Variants in LARGE1 observed in about 807,000 individuals in gnomAD.
LARGE1 encodes LARGE xylosyl- and glucuronyltransferase 1.
A neutral mutation model predicts 87.6 loss-of-function variants in LARGE1; 43 were observed. The observed-to-expected ratio is 0.49, with a 90% CI of 0.38 to 0.63. The LOEUF is 0.63. Ranked by LOEUF, LARGE1 falls within the 30% of genes least tolerant of loss-of-function variation. The pLI, the probability that LARGE1 is intolerant of heterozygous loss-of-function variation, is 0.00. For synonymous variants in LARGE1, 434 were observed against 394.6 expected (o/e 1.10, Z -1.18); for missense variants, 802 against 1,000.2 (o/e 0.80, Z 2.67).
intron 2 of LARGE1, among the ~76,000 whole-genome samples, chr22:33,683,493 T>C (rs975052008): frequency 2.0e-5 from 3 of 152,134 alleles, no homozygotes; most frequent in Non-Finnish European, 4.4e-5. Flanking sequence ...GCCAATTCCT[T>C]ACAATAAATC....
intron 6 of LARGE1, among the ~76,000 whole-genome samples, chr22:33,468,732 C>T (rs1441826747): frequency 1.3e-5 from 2 of 151,880 alleles, no homozygotes; most frequent in Admixed American, 1.3e-4. Flanking sequence ...TCCTAGGGCA[C>T]ACAGCTAGAA....
At chr22:33,678,001 A>G (rs1372986633) in intron 2 of LARGE1, among the ~76,000 whole-genome samples, 1 of 152,222 alleles carries the variant, frequency 6.6e-6, no homozygotes, top group Non-Finnish European at 1.5e-5. Context: ...AAGTGAGAAG[A>G]CGATTGGGAT....
At position 33,604,531 on chromosome 22, in the gene LARGE1, A is replaced by G. The variant is rs773687607; in HGVS notation, c.519T>C (p.Ile173=). The G allele has an allele frequency of 1.2e-6, 2 of 1,614,096 alleles. No homozygotes were observed. The highest frequency in any genetic ancestry group is 2.2e-5 in the South Asian group (2 of 91,076). The change falls in exon 5 of 15, where the codon ATT becomes ATC. Residue 173 remains isoleucine (I), a synonymous_variant. Coordinates refer to ENST00000397394, the MANE Select transcript of LARGE1 (RefSeq NM_133642.5). ...GGATCTGCTCCGCAATGGAGTCAGCAATAAGGTGGAAGTGCAGAGGGTTCC... is the reference window on the plus strand; with the variant it reads ...GGATCTGCTCCGCAATGGAGTCAGCGATAAGGTGGAAGTGCAGAGGGTTCC... ...HRRNPLHFHL[I]ADSIAEQILA...
At chr22:33,374,451 TTCTC>T (rs1187792126) in intron 9 of LARGE1, among the ~76,000 whole-genome samples, 4 of 152,216 alleles carry the variant, frequency 2.6e-5, no homozygotes, top group African/African-American at 9.6e-5. Flanking sequence ...CCACGTAAGT[TTCTC>T]TATCGTCTTT....
intron 11 of LARGE1, among the ~76,000 whole-genome samples, chr22:33,182,029 C>T (rs1270974903): frequency 6.6e-6 from 1 of 151,918 alleles, no homozygotes; most frequent in East Asian, 1.9e-4. Context: ...CACAATCTGG[C>T]CAGGCTGGTC....
rs140517766 is a variant in LARGE1, at chr22:33,327,368, T to C, written c.1287+10278A>G. 2.0e-3 allele frequency among the ~76,000 whole-genome samples: 303 copies of C among 152,258 alleles called. 3 individuals are homozygous for C. The highest frequency in any genetic ancestry group is 7.1e-4 in the Non-Finnish European group (48 of 68,014). ...AGGTGAGGCAGTGATCTCCCAGCAGTTGAGAGAGCGGGTATCCAAGACAAG... is the reference window on the plus strand; with the variant it reads ...AGGTGAGGCAGTGATCTCCCAGCAGCTGAGAGAGCGGGTATCCAAGACAAG... On this transcript the variant is annotated intron_variant, in intron 10 of 14. Transcript: ENST00000397394.
chr22:33,722,112 G>T (rs1411165155), intron 2 of LARGE1, among the ~76,000 whole-genome samples: 1 of 152,034 alleles, frequency 6.6e-6, no homozygotes, highest in East Asian at 1.9e-4. Flanking sequence ...AATTAGCCGG[G>T]CGTGGTGGTG....
At chr22:33,434,135 G>A (rs2067180819) in intron 6 of LARGE1, among the ~76,000 whole-genome samples, 1 of 152,210 alleles carries the variant, frequency 6.6e-6, no homozygotes, top group African/African-American at 2.4e-5. Context: ...CTGAAAGGCA[G>A]GGTGCCCTTA....
intron 11 of LARGE1, among the ~76,000 whole-genome samples, chr22:33,219,361 CATGT>C (rs1925354433): frequency 6.6e-6 from 1 of 152,198 alleles, no homozygotes; most frequent in African/African-American, 2.4e-5. Context: ...GCCTGTAAAA[CATGT>C]AGACATGGGA....
chr22:33,490,585 C>T (rs75216197), intron 6 of LARGE1, among the ~76,000 whole-genome samples: 5 of 152,188 alleles, frequency 3.3e-5, no homozygotes, highest in Admixed American at 6.5e-5. Context: ...ACTGCTGCAA[C>T]GCTTCTGATT....
chr22:33,452,836 T>A (rs1331564968), intron 6 of LARGE1, among the ~76,000 whole-genome samples: 1 of 152,194 alleles, frequency 6.6e-6, no homozygotes, highest in Non-Finnish European at 1.5e-5. Context: ...TTATTACAAT[T>A]CTAATTAATG....
At chr22:33,391,532 A>T (rs933234182) in intron 7 of LARGE1, among the ~76,000 whole-genome samples, 1 of 152,136 alleles carries the variant, frequency 6.6e-6, no homozygotes, top group Middle Eastern at 3.2e-3. Flanking sequence ...CAAACCAGAC[A>T]GGCTTCTCTC....
At chr22:33,109,791 G>A in the LARGE1 span, among the ~76,000 whole-genome samples, 1 of 152,086 alleles carries the variant, frequency 6.6e-6, no homozygotes, top group African/African-American at 2.4e-5. Flanking sequence ...TGGAGATCTG[G>A]TTGTTTAAAG....
intron 1 of LARGE1, among the ~76,000 whole-genome samples, chr22:33,777,363 C>A (rs972715971): frequency 6.6e-6 from 1 of 152,062 alleles, no homozygotes; most frequent in Non-Finnish European, 1.5e-5. Flanking sequence ...AATGGCCAGG[C>A]GTCGTGGCTC....
chr22:33,236,666 G>T (rs1926266153), intron 11 of LARGE1, among the ~76,000 whole-genome samples: 1 of 152,208 alleles, frequency 6.6e-6, no homozygotes, highest in Non-Finnish European at 1.5e-5. Flanking sequence ...AGCTCCTGCT[G>T]TGGCTGAGAT....
intron 6 of LARGE1, among the ~76,000 whole-genome samples, chr22:33,472,698 C>CCA (rs1177357187): frequency 1.3e-5 from 2 of 152,114 alleles, no homozygotes; most frequent in Non-Finnish European, 2.9e-5. Context: ...AAAATCTAAA[C>CCA]CACATTTTAC....
chr22:33,788,584 C>A (rs2085725130), intron 1 of LARGE1, among the ~76,000 whole-genome samples: 1 of 152,162 alleles, frequency 6.6e-6, no homozygotes, highest in South Asian at 2.1e-4. Context: ...GACCGAAATG[C>A]TGACAGTGAT....
chr22:33,415,693 G>A (rs1464443589), intron 7 of LARGE1, among the ~76,000 whole-genome samples: 1 of 152,158 alleles, frequency 6.6e-6, no homozygotes, highest in African/African-American at 2.4e-5. Context: ...GCACTGCGAT[G>A]ACTTTAGTGC....
chr22:33,561,650 G>A (rs1054472769), intron 6 of LARGE1, among the ~76,000 whole-genome samples: 6 of 152,164 alleles, frequency 3.9e-5, no homozygotes, highest in South Asian at 2.1e-4. Flanking sequence ...AATATTGACC[G>A]AATGGGTGGC....
Sources: allele counts gnomAD v4.1 joint callset (sites outside exome capture counted in the v4.1 genomes callset), GRCh38; gene constraint gnomAD v4.1.1; transcripts MANE v1.5; gene names NCBI Gene and HGNC (gene_info 2026-07-23, HGNC 2026-07-21).